The following PLEKHA1 variants were observed in gnomAD, a reference collection of about 807,000 sequenced individuals.
PLEKHA1 encodes the protein pleckstrin homology domain-containing family A member 1.
Under a neutral mutation model 52.0 loss-of-function variants are expected in PLEKHA1, and 34 were observed. The observed-to-expected ratio is 0.65, with a 90% CI of 0.50 to 0.87. PLEKHA1 has a LOEUF of 0.87. PLEKHA1 is among the 40% of genes least tolerant of loss of function. The pLI, the probability that PLEKHA1 is intolerant of heterozygous loss-of-function variation, is 0.00. For synonymous variants in PLEKHA1, 163 were observed against 170.7 expected, an observed-to-expected ratio of 0.95 and a Z score of 0.35; for missense variants, 497 against 504.2, an observed-to-expected ratio of 0.99 and a Z score of 0.14.
At chr10:122,413,661 T>TAAATA (rs577621431) in intron 6 of PLEKHA1, among the ~76,000 whole-genome samples, 137 of 152,252 alleles carry the variant, frequency 9.0e-4, no homozygotes, top group Non-Finnish European at 1.4e-3. Flanking sequence ...AGTCTTTATT[T>TAAATA]GAGTTTTAGG....
Position 122,393,134 on chromosome 10 carries a change from C to A in PLEKHA1, c.-20-47C>A. On this transcript the variant is annotated intron_variant, in intron 1 of 11. Coordinates refer to ENST00000368990, the MANE Select transcript of PLEKHA1 (RefSeq NM_001001974.4). This position sits in a 1 kb window ranked among gnomAD's most constrained non-coding sequence, Gnocchi z 4.5. Reference sequence around the variant, plus strand: ...ACAGATTTGCAGTCCATGAGAAATACTTTCCTGTTTCATAGGGAGCTTACT... The same window carrying A: ...ACAGATTTGCAGTCCATGAGAAATAATTTCCTGTTTCATAGGGAGCTTACT... 1 of 1,462,778 alleles carries A rather than the reference C, an allele frequency of 6.8e-7. No individual in the cohort carries two copies. Among genetic ancestry groups the A allele is most frequent in the Non-Finnish European group, 9.1e-7 (1 of 1,093,036 alleles). The allele number at this position is 1,462,778 out of a possible 1,614,324, so 90.6% of individuals were successfully genotyped here.
At chr10:122,417,661 A>C (rs1339857177) in intron 7 of PLEKHA1, among the ~76,000 whole-genome samples, 8 of 151,704 alleles carry the variant, frequency 5.3e-5, no homozygotes, top group Non-Finnish European at 1.2e-4. Context: ...AAAAAAAAAA[A>C]AACACATAAA....
chr10:122,429,197 C>T (rs1054477489), intron 11 of PLEKHA1, among the ~76,000 whole-genome samples: 7 of 151,964 alleles, frequency 4.6e-5, no homozygotes, highest in Non-Finnish European at 1.0e-4. Flanking sequence ...TAATTTTTTT[C>T]ATTCTAAAAT....
chr10:122,390,590 C>T (rs2096762590), intron 1 of PLEKHA1, among the ~76,000 whole-genome samples: 2 of 152,002 alleles, frequency 1.3e-5, no homozygotes, highest in African/African-American at 4.8e-5. Context: ...CTAGCCTGGG[C>T]AGCATAGTGA....
downstream of PLEKHA1, chr10:122,434,968 T>C (rs183295860): frequency 3.9e-5 from 6 of 152,088 alleles, no homozygotes; most frequent in East Asian, 1.2e-3. Context: ...CAGTCGATCA[T>C]TGTTGGACAT....
At chr10:122,395,516 G>A (rs1215781382) in intron 2 of PLEKHA1, among the ~76,000 whole-genome samples, 6 of 151,500 alleles carry the variant, frequency 4.0e-5, no homozygotes, top group Non-Finnish European at 7.4e-5. Context: ...CAGTATAACC[G>A]TGTTATTGCA....
intron 5 of PLEKHA1, among the ~76,000 whole-genome samples, chr10:122,409,284 C>T (rs985650023): frequency 5.3e-5 from 8 of 152,204 alleles, no homozygotes; most frequent in South Asian, 2.1e-4. Context: ...AAAAATTGAA[C>T]CATTGTAAGT....
At position 122,428,452 on chromosome 10, in the gene PLEKHA1, T is replaced by C. The variant is rs916507245; in HGVS notation, c.901-1172T>C. 8.7e-6 allele frequency: 12 copies of C among 1,382,000 alleles called. No individual in the cohort carries two copies. In the East Asian group the frequency reaches 1.9e-4, roughly 22 times the overall value. 85.6% of individuals were successfully genotyped at this position (1,382,000 alleles called of 1,614,324 possible). A position where few individuals can be genotyped will look rare whatever the true frequency, so the allele number is the denominator to read the frequency against. ...TTAACCAAACTGCCTTTTGCAGTTATCATAACTGATTTTGTCAATACTAAC... is the reference window on the plus strand; with the variant it reads ...TTAACCAAACTGCCTTTTGCAGTTACCATAACTGATTTTGTCAATACTAAC... On this transcript the variant is annotated intron_variant, in intron 11 of 11. Coordinates refer to ENST00000368990, the MANE Select transcript of PLEKHA1 (RefSeq NM_001001974.4).
At chr10:122,419,837 A>G (rs2097233407) in intron 8 of PLEKHA1, 2 of 152,200 alleles carry the variant, frequency 1.3e-5, no homozygotes, top group African/African-American at 4.8e-5. Context: ...CAAATTTCAC[A>G]GAATAATGCC....
In PLEKHA1 at chr10:122,412,661, A is replaced by G. The variant is rs2097123743; in HGVS notation, c.343-259A>G. ...GGGGTAGAGCCCCTATGCATAGGGT[A>G]GACAGGAGTAGTAAAGGAGAAAAAT... On this transcript the variant is annotated intron_variant, in intron 5 of 11. Transcript: ENST00000368990. The G allele has an allele frequency of 9.6e-6, 4 of 415,470 alleles. No homozygotes were observed. The Admixed American group carries it at 1.4e-4, about 15-fold the overall frequency. The allele number at this position is 415,470 out of a possible 1,614,324, so 25.7% of individuals were successfully genotyped here.
downstream of PLEKHA1, chr10:122,435,124 G>A (rs1386023952): frequency 2.0e-5 from 3 of 152,288 alleles, no homozygotes; most frequent in Middle Eastern, 0.01. Context: ...TGTAAGTGGT[G>A]CTTGTACCTT....
chr10:122,375,265 C>T (rs1381833503), intron 1 of PLEKHA1, among the ~76,000 whole-genome samples: 1 of 152,024 alleles, frequency 6.6e-6, no homozygotes, highest in Non-Finnish European at 1.5e-5. Context: ...GTCGGAGCGC[C>T]TCCCTCCAGG....
rs1051145237 is a variant in PLEKHA1 at position 122,393,886 on chromosome 10, G to T, written c.141+545G>T. ...TGCACATATGTAGTCCTTTTATTTT[G>T]TAGTGTCAGATTTGAGTCAGTCATT... On this transcript the variant is annotated intron_variant, in intron 2 of 11. Transcript: ENST00000368990. The surrounding 1 kb of genome is among the most constrained non-coding windows in gnomAD (Gnocchi z 4.5). Among the ~76,000 whole-genome samples, 1 of 151,940 alleles carries T rather than the reference G, an allele frequency of 6.6e-6. No homozygotes were observed. The highest frequency in any genetic ancestry group is 2.4e-5 in the African/African-American group (1 of 41,368).
intron 4 of PLEKHA1, among the ~76,000 whole-genome samples, chr10:122,403,267 A>T (rs1360412765): frequency 6.6e-6 from 1 of 152,208 alleles, no homozygotes; most frequent in East Asian, 1.9e-4. Context: ...CCAACATCTG[A>T]TAGAGACTGA....
chr10:122,395,531 G>T (rs1273175937), intron 2 of PLEKHA1, among the ~76,000 whole-genome samples: 1 of 151,560 alleles, frequency 6.6e-6, no homozygotes, highest in Non-Finnish European at 1.5e-5. Context: ...ATTGCATCTT[G>T]ACATAAGCAA....
chr10:122,403,121 G>A (rs562037901), intron 4 of PLEKHA1, among the ~76,000 whole-genome samples: 14 of 152,176 alleles, frequency 9.2e-5, no homozygotes, highest in African/African-American at 2.6e-4. Flanking sequence ...TGATGAGAGC[G>A]GATTATCAAA....
intron 4 of PLEKHA1, among the ~76,000 whole-genome samples, chr10:122,403,218 G>C (rs1424179759): frequency 6.6e-6 from 1 of 152,132 alleles, no homozygotes; most frequent in African/African-American, 2.4e-5. Flanking sequence ...CAAAGGTAAA[G>C]ATAGATAATG....
At chr10:122,392,174 A>C (rs2096785312) in intron 1 of PLEKHA1, 1 of 152,204 alleles carries the variant, frequency 6.6e-6, no homozygotes, top group African/African-American at 2.4e-5. Flanking sequence ...TAAAAGTTGC[A>C]GTACTTTAGG....
chr10:122,419,150 T>C (rs1177148174), intron 8 of PLEKHA1: 1 of 152,186 alleles, frequency 6.6e-6, no homozygotes, highest in African/African-American at 2.4e-5. Context: ...TTAAGTGTCT[T>C]CTCTTTATAT....
Sources: allele counts gnomAD v4.1 joint callset (sites outside exome capture counted in the v4.1 genomes callset), GRCh38; gene constraint gnomAD v4.1.1; non-coding constraint Gnocchi (gnomAD v3.1); transcripts MANE v1.5; gene names NCBI Gene and HGNC (gene_info 2026-07-23, HGNC 2026-07-21).